SYT16: variants seen among roughly 807,000 people sequenced by gnomAD.
The protein encoded by SYT16 is synaptotagmin 16.
SYT16 carries 42 observed loss-of-function variants against 61.4 expected under a neutral mutation model. That is an observed-to-expected ratio of 0.68 (90% CI 0.53 to 0.89). The LOEUF is 0.89. SYT16 is among the 40% of genes least tolerant of loss of function. The probability of loss-of-function intolerance (pLI) is 0.00; values close to 1 mark genes in which losing one functional copy is unlikely to be tolerated. For synonymous variants in SYT16, 314 were observed against 302.3 expected (o/e 1.04, Z -0.40); for missense variants, 804 against 807.3 (o/e 1.00, Z 0.05).
chr14:61,827,120 C>G (rs1183082373), intron 1 of SYT16, among the ~76,000 whole-genome samples: 1 of 150,622 alleles, frequency 6.6e-6, no homozygotes, highest in Non-Finnish European at 1.5e-5. Context: ...GAACATAATT[C>G]AATCCATGAC....
chr14:62,018,216 G>T (rs745689139), intron 3 of SYT16, among the ~76,000 whole-genome samples: 7 of 150,900 alleles, frequency 4.6e-5, no homozygotes, highest in Non-Finnish European at 8.8e-5. Context: ...TTGCCTCTCT[G>T]ACCTTATTCT....
intron 3 of SYT16, among the ~76,000 whole-genome samples, chr14:62,060,605 G>A (rs571771888): frequency 1.1e-3 from 165 of 151,488 alleles, no homozygotes; most frequent in Non-Finnish European, 1.6e-3. Context: ...TTTTTATTGT[G>A]TTAATTTGGT....
intron 1 of SYT16, among the ~76,000 whole-genome samples, chr14:61,838,195 A>G (rs528026440): frequency 9.3e-4 from 142 of 152,270 alleles, no homozygotes; most frequent in Non-Finnish European, 1.1e-3. Context: ...TTATTTTTCT[A>G]TATTGAATTA....
chr14:61,957,004 T>G (rs892376118), intron 1 of SYT16, among the ~76,000 whole-genome samples: 1 of 151,948 alleles, frequency 6.6e-6, no homozygotes, highest in Non-Finnish European at 1.5e-5. Flanking sequence ...TTTTGTAGTT[T>G]TCCATGTATA....
At chr14:61,925,388 G>A (rs2049495442) in intron 1 of SYT16, among the ~76,000 whole-genome samples, 1 of 151,138 alleles carries the variant, frequency 6.6e-6, no homozygotes, top group South Asian at 2.1e-4. Flanking sequence ...TCTTGGCATA[G>A]ATTAGTATCA....
At chr14:61,893,598 GT>G (rs1387890869) in intron 1 of SYT16, among the ~76,000 whole-genome samples, 3 of 152,238 alleles carry the variant, frequency 2.0e-5, no homozygotes, top group Non-Finnish European at 2.9e-5. Context: ...TGCTTGTGAC[GT>G]TTTCTTTTTT....
intron 1 of SYT16, among the ~76,000 whole-genome samples, chr14:61,888,398 A>G (rs1566654410): frequency 6.6e-6 from 1 of 152,194 alleles, no homozygotes; most frequent in Non-Finnish European, 1.5e-5. Flanking sequence ...GATTACAGGC[A>G]TGAGCCACCA....
intron 5 of SYT16, among the ~76,000 whole-genome samples, chr14:62,078,873 T>C (rs1231335336): frequency 6.6e-6 from 1 of 152,212 alleles, no homozygotes; most frequent in Non-Finnish European, 1.5e-5. Flanking sequence ...AGTTCCAGGC[T>C]GAAACTACTT....
intron 1 of SYT16, among the ~76,000 whole-genome samples, chr14:61,893,799 G>A (rs1021182685): frequency 1.1e-4 from 16 of 152,172 alleles, no homozygotes; most frequent in African/African-American, 3.4e-4. Context: ...CAGGCAACTT[G>A]ATTGTGCACA....
chr14:61,908,967 C>A (rs1441557629), intron 1 of SYT16, among the ~76,000 whole-genome samples: 1 of 152,138 alleles, frequency 6.6e-6, no homozygotes, highest in Non-Finnish European at 1.5e-5. Context: ...GGACTACAGG[C>A]ACATGCCATT....
At chr14:62,058,179 T>C (rs1414503918) in intron 3 of SYT16, among the ~76,000 whole-genome samples, 1 of 152,124 alleles carries the variant, frequency 6.6e-6, no homozygotes, top group African/African-American at 2.4e-5. Context: ...TGTTCATGTG[T>C]TGCCAGGCTT....
chr14:61,893,853 A>G (rs965117655), intron 1 of SYT16, among the ~76,000 whole-genome samples: 2 of 152,200 alleles, frequency 1.3e-5, no homozygotes, highest in Non-Finnish European at 2.9e-5. Flanking sequence ...CCGATTCTGC[A>G]TCTTCTGATT....
At chr14:61,865,164 TG>T in intron 1 of SYT16, 1 of 1,223,846 alleles carries the variant, frequency 8.2e-7, no homozygotes, top group Non-Finnish European at 1.2e-6. Context: ...CTGCAGTTAC[TG>T]GGCCCAGAGG....
chr14:62,038,927 C>A (rs1350912797), intron 3 of SYT16, among the ~76,000 whole-genome samples: 1 of 152,162 alleles, frequency 6.6e-6, no homozygotes, highest in East Asian at 1.9e-4. Flanking sequence ...TCTTTTGTGC[C>A]TACAAAGTGT....
At chr14:61,839,586 T>G (rs145612779) in intron 1 of SYT16, among the ~76,000 whole-genome samples, 1 of 152,176 alleles carries the variant, frequency 6.6e-6, no homozygotes, top group East Asian at 1.9e-4. Flanking sequence ...ATTCAGGCAG[T>G]GAGAACTGCA....
At chr14:62,002,271 T>G (rs565964390) in intron 3 of SYT16, among the ~76,000 whole-genome samples, 12 of 152,222 alleles carry the variant, frequency 7.9e-5, no homozygotes, top group African/African-American at 2.9e-4. Flanking sequence ...AGTTGGGTTT[T>G]TGTTTTGTTG....
At chr14:62,065,910 G>A (rs2056041353) in intron 3 of SYT16, among the ~76,000 whole-genome samples, 1 of 152,154 alleles carries the variant, frequency 6.6e-6, no homozygotes, top group African/African-American at 2.4e-5. Flanking sequence ...TAGCTTATTG[G>A]AGTAATGCTG....
At chr14:61,845,441 G>T (rs2046417244) in intron 1 of SYT16, among the ~76,000 whole-genome samples, 1 of 152,192 alleles carries the variant, frequency 6.6e-6, no homozygotes, top group Non-Finnish European at 1.5e-5. Flanking sequence ...TATGTGTCTA[G>T]AAATTTATCA....
chr14:61,967,947 C>CTAT (rs1396537629), intron 1 of SYT16, among the ~76,000 whole-genome samples: 1 of 152,056 alleles, frequency 6.6e-6, no homozygotes, highest in Non-Finnish European at 1.5e-5. Context: ...TATAGAGTAC[C>CTAT]AGGAACTTTA....
Sources: gnomAD v4.1 joint callset for allele counts (sites outside exome capture counted in the v4.1 genomes callset) on GRCh38, gnomAD v4.1.1 for gene constraint, MANE v1.5 for transcripts, NCBI Gene and HGNC (gene_info 2026-07-23, HGNC 2026-07-21) for gene names.